Variants in JAKMIP1 observed in about 807,000 individuals in gnomAD.
The protein encoded by JAKMIP1 is janus kinase and microtubule interacting protein 1, also known as janus kinase and microtubule-interacting protein 1.
A neutral mutation model predicts 113.0 loss-of-function variants in JAKMIP1; 33 were observed. The ratio of observed to expected loss-of-function variants is 0.29; its 90% CI spans 0.22 to 0.39. The LOEUF is 0.39. JAKMIP1 is among the 10% of genes least tolerant of loss of function. The probability of loss-of-function intolerance (pLI) is 1.00; values close to 1 mark genes in which losing one functional copy is unlikely to be tolerated. For missense variants in JAKMIP1, 813 were observed against 1,080.5 expected, an observed-to-expected ratio of 0.75 and a Z score of 3.47; for synonymous variants, 480 against 459.9, an observed-to-expected ratio of 1.04 and a Z score of -0.56.
Position 6,150,666 on chromosome 4 carries a change from A to G in JAKMIP1, c.-147-37669T>C, listed in dbSNP as rs947979219. Among the ~76,000 whole-genome samples, 16 of 152,078 alleles carry G rather than the reference A, an allele frequency of 1.1e-4. No individual in the cohort carries two copies. Among genetic ancestry groups the G allele is most frequent in the Non-Finnish European group, 1.5e-4 (10 of 68,000 alleles). ...TGTCTGGCTTCCTCTTCAAAACCCA[A>G]CAGACTCCATCTGGGCCCCAGAAAA... On this transcript the variant is annotated intron_variant, in intron 1 of 20. Coordinates refer to ENST00000409021, the MANE Select transcript of JAKMIP1 (RefSeq NM_001099433.2). This position sits in a 1 kb window ranked among gnomAD's most constrained non-coding sequence, Gnocchi z 4.8.
chr4:6,085,106 G>C, intron 4 of JAKMIP1, 141 bp from the exon 5 acceptor site: 2 of 1,099,724 alleles, frequency 1.8e-6, no homozygotes, highest in Non-Finnish European at 2.5e-6. Flanking sequence ...CAGCAAGGTG[G>C]GGAACACCCA....
intron 20 of JAKMIP1, 50 bp from the exon 21 acceptor site, chr4:6,026,328 G>T (rs1711793481): frequency 1.1e-6 from 1 of 930,320 alleles, no homozygotes; most frequent in South Asian, 1.5e-5. Flanking sequence ...AAAAAGAAAA[G>T]AAAACAGATG....
At chr4:6,105,082 T>G (rs1713674924) in intron 3 of JAKMIP1, among the ~76,000 whole-genome samples, 1 of 152,216 alleles carries the variant, frequency 6.6e-6, no homozygotes, top group Non-Finnish European at 1.5e-5. Context: ...CAGGACTATT[T>G]GCAATTTATA....
intron 1 of JAKMIP1, among the ~76,000 whole-genome samples, chr4:6,160,060 T>G (rs893285109): frequency 1.3e-5 from 2 of 152,084 alleles, no homozygotes; most frequent in East Asian, 3.9e-4. Flanking sequence ...TCAGGCTGTT[T>G]GAAGAAAAGA....
rs1007544317 is a variant in JAKMIP1 at position 6,093,673 on chromosome 4, A to G, written c.625-8044T>C. On this transcript the variant is annotated intron_variant, in intron 3 of 20. Coordinates refer to ENST00000409021, the MANE Select transcript of JAKMIP1 (RefSeq NM_001099433.2). This position sits in a 1 kb window ranked among gnomAD's most constrained non-coding sequence, Gnocchi z 4.6. ...GGGTCCTGAACCAGACACCTCCTGT[A>G]TTACAATGAATGATGTCCACCTGTA... Among the ~76,000 whole-genome samples, 5 of 152,200 alleles carry G rather than the reference A, an allele frequency of 3.3e-5. No individual in the cohort carries two copies. The highest frequency in any genetic ancestry group is 1.3e-4 in the Admixed American group (2 of 15,288).
In JAKMIP1 at chr4:6,029,776, G is replaced by A; in HGVS notation, c.2385C>T (p.Ile795=). The change falls in exon 20 of 21, where the codon ATC becomes ATT. Residue 795 remains isoleucine, a synonymous_variant. Transcript: ENST00000409021. ...MELLQQAQQR[I]RELEDKLEFQ... ...ACTCCAGTTTGTCCTCCAGTTCTCG[G>A]ATTCTCTGAAATACACCAGGTTACG... 6.2e-7 allele frequency: 1 copy of A among 1,601,880 alleles called. No homozygotes were observed. Among genetic ancestry groups the A allele is most frequent in the Non-Finnish European group, 8.5e-7 (1 of 1,173,390 alleles).
At chr4:6,104,223 T>C (rs1430324889) in intron 3 of JAKMIP1, among the ~76,000 whole-genome samples, 5 of 152,248 alleles carry the variant, frequency 3.3e-5, no homozygotes, top group African/African-American at 9.6e-5. Flanking sequence ...CGTTGGTTAA[T>C]TGTGTTGGTG....
chr4:6,145,544 C>G (rs1720735254), intron 1 of JAKMIP1, among the ~76,000 whole-genome samples: 2 of 151,970 alleles, frequency 1.3e-5, no homozygotes, highest in Admixed American at 6.6e-5. Flanking sequence ...GGTATATATT[C>G]AAAAGAATAA....
chr4:6,175,607 T>C (rs1218356147), intron 1 of JAKMIP1, among the ~76,000 whole-genome samples: 2 of 152,168 alleles, frequency 1.3e-5, no homozygotes, highest in African/African-American at 2.4e-5. Flanking sequence ...TGCTTTCAGC[T>C]GAGGACTCAC....
At chr4:6,095,384 G>T (rs572953313) in intron 3 of JAKMIP1, among the ~76,000 whole-genome samples, 1 of 151,420 alleles carries the variant, frequency 6.6e-6, no homozygotes, top group Non-Finnish European at 1.5e-5. Flanking sequence ...AAGGAAGGAA[G>T]GAAAATTAAA....
chr4:6,105,434 G>A, intron 3 of JAKMIP1, 39 bp downstream of exon 3: 1 of 1,536,106 alleles, frequency 6.5e-7, no homozygotes, highest in Non-Finnish European at 8.7e-7. Flanking sequence ...AGGGAGGGAA[G>A]GCCGCGTGCC....
intron 1 of JAKMIP1, among the ~76,000 whole-genome samples, chr4:6,182,118 A>G (rs1428934585): frequency 6.6e-6 from 1 of 152,156 alleles, no homozygotes; most frequent in Non-Finnish European, 1.5e-5. Context: ...TGACCTTATA[A>G]GAAGGGACAG....
intron 3 of JAKMIP1, among the ~76,000 whole-genome samples, chr4:6,100,114 A>G (rs1712754113): frequency 6.6e-6 from 1 of 152,182 alleles, no homozygotes; most frequent in South Asian, 2.1e-4. Flanking sequence ...AACATTTTAG[A>G]GTTTAATTTA....
intron 1 of JAKMIP1, among the ~76,000 whole-genome samples, chr4:6,195,322 G>C (rs2109067495): frequency 6.6e-6 from 1 of 152,346 alleles, no homozygotes; most frequent in Non-Finnish European, 1.5e-5. Context: ...TCTAGAGGTG[G>C]ATGGTAGCGC....
chr4:6,056,858 A>T, intron 11 of JAKMIP1, 99 bp from the exon 12 acceptor site: 1 of 801,090 alleles, frequency 1.2e-6, no homozygotes, highest in South Asian at 1.4e-5. Context: ...GAAACTGACC[A>T]TGGAAAGGTC....
In JAKMIP1 at chr4:6,155,565, C is replaced by T. The variant is rs1259750699; in HGVS notation, c.-147-42568G>A. On this transcript the variant is annotated intron_variant, in intron 1 of 20. Coordinates refer to ENST00000409021, the MANE Select transcript of JAKMIP1 (RefSeq NM_001099433.2). This position sits in a 1 kb window ranked among gnomAD's most constrained non-coding sequence, Gnocchi z 6.1. ...GCTCTGAAAACTTCTAAACGCCCAG[C>T]GCTGCTACCTGATTTCCCCTAAAGA... Among the ~76,000 whole-genome samples, 1 of 152,180 alleles carries T rather than the reference C, an allele frequency of 6.6e-6. No homozygotes were observed. The highest frequency in any genetic ancestry group is 2.4e-5 in the African/African-American group (1 of 41,446).
rs1553864677 is a variant in JAKMIP1 at position 6,183,509 on chromosome 4, T to TAAATAAATAAATAAATAAA, written c.-148+16743_-148+16744insTTTATTTATTTATTTATTT. 6.6e-6 allele frequency among the ~76,000 whole-genome samples: 1 copy of TAAATAAATAAATAAATAAA among 150,954 alleles called. No individual in the cohort carries two copies. Among genetic ancestry groups the TAAATAAATAAATAAATAAA allele is most frequent in the African/African-American group, 2.4e-5 (1 of 41,108 alleles). Reference sequence around the variant, plus strand: ...ATAAATAAATAAATAAATAAATAAATTTAAAAAAGAAAGTAAAATGGAACA... The same window carrying TAAATAAATAAATAAATAAA: ...ATAAATAAATAAATAAATAAATAAATAAATAAATAAATAAATAAATTAAAAAAGAAAGTAAAATGGAACA... On this transcript the variant is annotated intron_variant, in intron 1 of 20. Coordinates refer to ENST00000409021, the MANE Select transcript of JAKMIP1 (RefSeq NM_001099433.2). The surrounding 1 kb of genome is among the most constrained non-coding windows in gnomAD (Gnocchi z 5.3).
At chr4:6,115,359 G>GAGATC (rs1336591968) in intron 1 of JAKMIP1, among the ~76,000 whole-genome samples, 2 of 152,212 alleles carry the variant, frequency 1.3e-5, no homozygotes, top group African/African-American at 4.8e-5. Context: ...GCAGTGAGCC[G>GAGATC]AGATCGTGCC....
In JAKMIP1 at chr4:6,147,216, C is replaced by A. The variant is rs571487348; in HGVS notation, c.-147-34219G>T. ...ACCTCAAGTGATCCACCTGCCTCAGCCTCCCAAAGTGCTGGGAACAGAGGT... is the reference window on the plus strand; with the variant it reads ...ACCTCAAGTGATCCACCTGCCTCAGACTCCCAAAGTGCTGGGAACAGAGGT... On this transcript the variant is annotated intron_variant, in intron 1 of 20. Coordinates refer to ENST00000409021, the MANE Select transcript of JAKMIP1 (RefSeq NM_001099433.2). 8.6e-4 allele frequency among the ~76,000 whole-genome samples: 131 copies of A among 152,316 alleles called. 1 individual carries two copies. In the South Asian group the frequency reaches 0.011, roughly 12 times the overall value.
Sources: allele counts gnomAD v4.1 joint callset (sites outside exome capture counted in the v4.1 genomes callset), GRCh38; gene constraint gnomAD v4.1.1; non-coding constraint Gnocchi (gnomAD v3.1); transcripts MANE v1.5; gene names NCBI Gene and HGNC (gene_info 2026-07-23, HGNC 2026-07-21).